CUX1: variants seen among roughly 807,000 people sequenced by gnomAD.
CUX1 encodes protein CASP.
CUX1 carries 31 observed loss-of-function variants against 158.8 expected under a neutral mutation model. The observed-to-expected ratio is 0.20, with a 90% confidence interval of 0.15 to 0.26. The LOEUF (loss-of-function observed/expected upper bound fraction) is 0.26. Among genes scored for constraint, CUX1 ranks in the 10% least tolerant of loss-of-function variants. The probability of loss-of-function intolerance (pLI) is 1.00; values close to 1 mark genes in which losing one functional copy is unlikely to be tolerated. For synonymous variants in CUX1, 879 were observed against 862.1 expected (o/e 1.02, Z -0.34); for missense variants, 1,589 against 2,014.6 (o/e 0.79, Z 4.04).
At chr7:102,091,796 C>G (rs1167091573) in intron 4 of CUX1, among the ~76,000 whole-genome samples, 3 of 152,126 alleles carry the variant, frequency 2.0e-5, no homozygotes, top group Non-Finnish European at 4.4e-5. Flanking sequence ...TGCTCTATCA[C>G]CCAGGCTGGA....
At chr7:101,988,585 G>A (rs779980702) in intron 2 of CUX1, among the ~76,000 whole-genome samples, 1 of 152,034 alleles carries the variant, frequency 6.6e-6, no homozygotes, top group Non-Finnish European at 1.5e-5. Context: ...CCTTCTCTGG[G>A]GTATGTCCTC....
chr7:101,816,843 C>G, upstream of CUX1: 2 of 911,796 alleles, frequency 2.2e-6, no homozygotes, highest in Non-Finnish European at 2.6e-6. Context: ...CCCGGCCGGC[C>G]CCGGCCGCCG....
chr7:101,910,725 C>T (rs924207051), intron 1 of CUX1, among the ~76,000 whole-genome samples: 3 of 147,090 alleles, frequency 2.0e-5, no homozygotes, highest in East Asian at 4.2e-4. Context: ...CCAGCCTGGG[C>T]GACCGAGCAA....
chr7:102,248,926 G>T lies in CUX1; in HGVS notation c.4402G>T (p.Ala1468Ser). ...SLFGLPEAAG[A>S]RDSRDNPLRK... is the part of the protein sequence containing the mutation. ...TTTCGGCCTCCCCGAGGCCGCGGGC[G>T]CCCGGGACTCGCGCGACAACCCCCT... The change falls in exon 24 of 24, where the codon GCC becomes TCC. Residue 1468 changes from alanine to serine, a missense_variant. Physicochemically the swap from Ala to Ser is moderately conservative, Grantham distance 99. Coordinates refer to ENST00000292535, the MANE Select transcript of CUX1 (RefSeq NM_181552.4). This position sits in a 1 kb window ranked among gnomAD's most constrained non-coding sequence, Gnocchi z 5.8. 2.0e-6 allele frequency: 3 copies of T among 1,468,036 alleles called. No homozygotes were observed. The highest frequency in any genetic ancestry group is 1.8e-6 in the Non-Finnish European group (2 of 1,104,946). 90.9% of individuals were successfully genotyped at this position (1,468,036 alleles called of 1,614,324 possible).
In CUX1 at chr7:102,098,354, G is replaced by A. The variant is rs372634700; in HGVS notation, c.406+853G>A. On this transcript the variant is annotated intron_variant, in intron 5 of 23. Transcript: ENST00000292535. ...GGGCCACGTGCGGTGGTTCACACCT[G>A]TAATCCCAGCGCTTTGAGAGGCCAA... Among the ~76,000 whole-genome samples, 430 of 152,324 alleles carry A rather than the reference G, an allele frequency of 2.8e-3. 2 individuals are homozygous for A. The highest frequency in any genetic ancestry group is 1.0e-2 in the African/African-American group (415 of 41,582).
chr7:101,931,950 T>A (rs549956077), intron 2 of CUX1, among the ~76,000 whole-genome samples: 88 of 152,360 alleles, frequency 5.8e-4, no homozygotes, highest in South Asian at 1.2e-3. Flanking sequence ...CAAGTTTTGA[T>A]TGATTGTTTT....
At chr7:102,009,546 G>A (rs751017499) in intron 2 of CUX1, among the ~76,000 whole-genome samples, 5 of 152,196 alleles carry the variant, frequency 3.3e-5, no homozygotes, top group Non-Finnish European at 5.9e-5. Flanking sequence ...TCCCGCCTTG[G>A]CCTCCCAAAG....
chr7:102,011,405 G>A (rs1271788676), intron 2 of CUX1, among the ~76,000 whole-genome samples: 2 of 151,854 alleles, frequency 1.3e-5, no homozygotes, highest in East Asian at 3.9e-4. Flanking sequence ...TCATACGCTG[G>A]TGATGGGATT....
At chr7:101,969,846 C>T (rs1363867902) in intron 2 of CUX1, among the ~76,000 whole-genome samples, 1 of 152,000 alleles carries the variant, frequency 6.6e-6, no homozygotes, top group African/African-American at 2.4e-5. Context: ...AAAAGAGGCG[C>T]CTGATCTGCA....
chr7:101,884,852 G>A (rs140035812), intron 1 of CUX1, among the ~76,000 whole-genome samples: 71 of 152,216 alleles, frequency 4.7e-4, no homozygotes, highest in African/African-American at 1.7e-3. Context: ...ATTTGAAGCC[G>A]TTTCCCCCTT....
chr7:102,053,330 A>G (rs1385295178), intron 3 of CUX1, among the ~76,000 whole-genome samples: 2 of 152,160 alleles, frequency 1.3e-5, no homozygotes, highest in South Asian at 2.1e-4. Flanking sequence ...ATGTATATAT[A>G]TATTTATGGG....
At chr7:101,924,380 C>T (rs1346796794) in intron 2 of CUX1, among the ~76,000 whole-genome samples, 2 of 151,912 alleles carry the variant, frequency 1.3e-5, no homozygotes, top group South Asian at 2.1e-4. Context: ...AATAAAGTTG[C>T]GACTCCAGTG....
At chr7:102,206,876 G>A (rs1433312876) in intron 20 of CUX1, among the ~76,000 whole-genome samples, 1 of 152,112 alleles carries the variant, frequency 6.6e-6, no homozygotes, top group Non-Finnish European at 1.5e-5. Flanking sequence ...TCTAGCCTGG[G>A]CAACAGAGCG....
chr7:102,161,849 C>G (rs1346614645), intron 9 of CUX1, among the ~76,000 whole-genome samples: 3 of 152,168 alleles, frequency 2.0e-5, no homozygotes, highest in African/African-American at 7.2e-5. Flanking sequence ...CTCAGGTGAT[C>G]TGCCCACCTT....
chr7:102,060,433 G>T (rs1477497905), intron 3 of CUX1, among the ~76,000 whole-genome samples: 6 of 151,848 alleles, frequency 4.0e-5, no homozygotes, highest in Non-Finnish European at 8.8e-5. Context: ...CTGTTGACCC[G>T]GTTTCTATCC....
chr7:101,996,339 C>G (rs1815886760), intron 2 of CUX1, among the ~76,000 whole-genome samples: 1 of 151,250 alleles, frequency 6.6e-6, no homozygotes. Context: ...CCGATCCCGT[C>G]TCTTGAGCTC....
intron 2 of CUX1, among the ~76,000 whole-genome samples, chr7:101,971,472 A>T (rs1811943888): frequency 6.6e-6 from 1 of 152,162 alleles, no homozygotes; most frequent in Non-Finnish European, 1.5e-5. Flanking sequence ...ACATAGGGAG[A>T]CCCAATCTCT....
At chr7:101,973,770 CTT>C (rs546846196) in intron 2 of CUX1, among the ~76,000 whole-genome samples, 17 of 137,312 alleles carry the variant, frequency 1.2e-4, no homozygotes, top group Non-Finnish European at 1.4e-4. Flanking sequence ...TTTTCTTTTT[CTT>C]TTTTTTTTTT....
At chr7:102,231,714 CTT>C (rs1262074153) in intron 21 of CUX1, among the ~76,000 whole-genome samples, 15 of 138,786 alleles carry the variant, frequency 1.1e-4, no homozygotes, top group Admixed American at 2.2e-4. Context: ...AAAATTTTCT[CTT>C]TTTTTTTTTT....
Sources: gnomAD v4.1 joint callset for allele counts (sites outside exome capture counted in the v4.1 genomes callset) on GRCh38, gnomAD v4.1.1 for gene constraint, Gnocchi (gnomAD v3.1) non-coding constraint, MANE v1.5 for transcripts, NCBI Gene and HGNC (gene_info 2026-07-23, HGNC 2026-07-21) for gene names.